The following UBE2D3 variants were observed in gnomAD, a reference collection of about 807,000 sequenced individuals.
UBE2D3 encodes ubiquitin conjugating enzyme E2 D3.
UBE2D3 carries 2 observed loss-of-function variants against 22.8 expected under a neutral mutation model. The ratio of observed to expected loss-of-function variants is 0.09; its 90% CI spans 0.04 to 0.28. UBE2D3 has a LOEUF of 0.28. Ranked by LOEUF, UBE2D3 falls within the 10% of genes least tolerant of loss-of-function variation. The probability of loss-of-function intolerance (pLI) is 1.00; values close to 1 mark genes in which losing one functional copy is unlikely to be tolerated. For missense variants in UBE2D3, 27 were observed against 182.5 expected, an observed-to-expected ratio of 0.15 and a Z score of 4.91; for synonymous variants, 56 against 60.4, an observed-to-expected ratio of 0.93 and a Z score of 0.34.
At chr4:102,827,097 T>C (rs555209272) in intron 1 of UBE2D3, 10 of 987,626 alleles carry the variant, frequency 1.0e-5, no homozygotes, top group Admixed American at 6.1e-5. Context: ...TTGATGTGTA[T>C]TGCTATCCTC....
intron 6 of UBE2D3, among the ~76,000 whole-genome samples, chr4:102,800,273 T>TA (rs201873882): frequency 0.11 from 16,427 of 152,056 alleles, 932 homozygotes; most frequent in East Asian, 0.13. Context: ...CACTGTCACA[T>TA]ATTTATTGAC....
chr4:102,842,080 G>T (rs1731785849), intron 1 of UBE2D3, among the ~76,000 whole-genome samples: 1 of 152,024 alleles, frequency 6.6e-6, no homozygotes, highest in Non-Finnish European at 1.5e-5. Context: ...TTTTCTAAGA[G>T]TATGCCTTTG....
At chr4:102,812,638 CTG>C (rs1414770927) in intron 2 of UBE2D3, 1 of 152,226 alleles carries the variant, frequency 6.6e-6, no homozygotes, top group African/African-American at 2.4e-5. Context: ...AAGCCTGTAA[CTG>C]TGCTTTAAAT....
chr4:102,832,392 C>T (rs988052647), upstream of UBE2D3, among the ~76,000 whole-genome samples: 2 of 151,500 alleles, frequency 1.3e-5, no homozygotes, highest in African/African-American at 4.9e-5. Context: ...ATCTTGAGGG[C>T]CTTTTATTTT....
At chr4:102,829,471 T>C (rs1241343986), upstream of UBE2D3, among the ~76,000 whole-genome samples, 1 of 152,228 alleles carries the variant, frequency 6.6e-6, no homozygotes, top group Non-Finnish European at 1.5e-5. Context: ...TGGTTAGTTA[T>C]CTTCTAACCC....
intron 1 of UBE2D3, among the ~76,000 whole-genome samples, chr4:102,852,850 G>A (rs1291884022): frequency 6.6e-6 from 1 of 152,142 alleles, no homozygotes; most frequent in African/African-American, 2.4e-5. Context: ...ATTTATGCCA[G>A]CTATCTATAA....
rs1409198319 is a variant in UBE2D3 at position 102,796,582 on chromosome 4, C to T, written c.*833G>A. On this transcript the variant is annotated 3_prime_UTR_variant, in exon 8 of 8. Coordinates refer to ENST00000453744, the MANE Select transcript of UBE2D3 (RefSeq NM_181891.3). ...TTCCCATACTGATTAATCCAGGCAGCTAACTCATTGGTTTATGCAACTTTA... is the reference window on the plus strand; with the variant it reads ...TTCCCATACTGATTAATCCAGGCAGTTAACTCATTGGTTTATGCAACTTTA... 1 of 152,448 alleles carries T rather than the reference C, an allele frequency of 6.6e-6. No homozygotes were observed. The highest frequency in any genetic ancestry group is 1.5e-5 in the Non-Finnish European group (1 of 67,918). The allele number at this position is 152,448 out of a possible 1,614,324, so 9.4% of individuals were successfully genotyped here. A position where few individuals can be genotyped will look rare whatever the true frequency, so the allele number is the denominator to read the frequency against.
intron 2 of UBE2D3, among the ~76,000 whole-genome samples, chr4:102,824,420 T>C (rs938465317): frequency 6.6e-6 from 1 of 152,232 alleles, no homozygotes; most frequent in African/African-American, 2.4e-5. Context: ...ATCTAGGAAC[T>C]TAAAATTTGT....
intron 1 of UBE2D3, among the ~76,000 whole-genome samples, chr4:102,863,706 C>A (rs1733009993): frequency 6.6e-6 from 1 of 152,138 alleles, no homozygotes; most frequent in Non-Finnish European, 1.5e-5. Context: ...GTTGGCCAGG[C>A]TGGTCTTGAA....
At chr4:102,825,358 G>A (rs1194553596) in intron 2 of UBE2D3, 15 of 1,009,074 alleles carry the variant, frequency 1.5e-5, no homozygotes, top group Admixed American at 5.8e-5. Context: ...ACAAATACAA[G>A]TCACAAAAAA....
Position 102,858,061 on chromosome 4 carries a change from T to C in UBE2D3, c.-129+10654A>G, listed in dbSNP as rs113293812. ...GCCTTTAATCTCTTTTGTTAGTGTA[T>C]CCATATTCCAATAAAAATTTATTTA... On this transcript the variant is annotated intron_variant, in intron 1 of 7. Coordinates refer to the UBE2D3 transcript ENST00000338145. Among the ~76,000 whole-genome samples the C allele has an allele frequency of 9.9e-4, 150 of 152,144 alleles. 1 individual carries two copies. The highest frequency in any genetic ancestry group is 1.5e-3 in the Non-Finnish European group (103 of 67,936).
upstream of UBE2D3, among the ~76,000 whole-genome samples, chr4:102,828,810 G>C (rs960258507): frequency 1.8e-4 from 28 of 152,128 alleles, no homozygotes; most frequent in Non-Finnish European, 3.8e-4. Context: ...GTATGGAGAC[G>C]GCAGTTATGC....
intron 1 of UBE2D3, among the ~76,000 whole-genome samples, chr4:102,848,398 A>G (rs1165820612): frequency 1.3e-5 from 2 of 152,166 alleles, no homozygotes; most frequent in African/African-American, 4.8e-5. Flanking sequence ...TAATCCTAGC[A>G]CTTTGGGAGG....
upstream of UBE2D3, among the ~76,000 whole-genome samples, chr4:102,831,497 ACAACT>A (rs1027904686): frequency 3.3e-5 from 5 of 152,224 alleles, no homozygotes; most frequent in African/African-American, 9.6e-5. Flanking sequence ...TTTAGTAGAA[ACAACT>A]CAAATGTCCA....
At chr4:102,831,109 C>T (rs1731093361), upstream of UBE2D3, among the ~76,000 whole-genome samples, 1 of 152,154 alleles carries the variant, frequency 6.6e-6, no homozygotes, top group African/African-American at 2.4e-5. Flanking sequence ...GCCAAAGACA[C>T]TGGCTCTAGT....
In UBE2D3 at chr4:102,822,380, T is replaced by G. The variant is rs3774995; in HGVS notation, c.24+4105A>C. On this transcript the variant is annotated intron_variant, in intron 2 of 7. Coordinates refer to ENST00000453744, the MANE Select transcript of UBE2D3 (RefSeq NM_181891.3). ...ACAGTTTACCCAGCCTATATACTAG[T>G]TGGGGACAATAAATATATTTTGTTC... 2.0e-5 allele frequency among the ~76,000 whole-genome samples: 3 copies of G among 152,178 alleles called. No homozygotes were observed. The East Asian group carries it at 5.8e-4, about 29-fold the overall frequency.
intron 1 of UBE2D3, among the ~76,000 whole-genome samples, chr4:102,861,836 G>A (rs1732914981): frequency 6.6e-6 from 1 of 151,978 alleles, no homozygotes; most frequent in Non-Finnish European, 1.5e-5. Flanking sequence ...AAAGTGGTAT[G>A]TCAGTATACA....
At chr4:102,825,536 A>C in intron 2 of UBE2D3, 1 of 1,175,812 alleles carries the variant, frequency 8.5e-7, no homozygotes, top group Non-Finnish European at 1.1e-6. Context: ...CCGCCATCTT[A>C]AAATGCGGGA....
upstream of UBE2D3, among the ~76,000 whole-genome samples, chr4:102,831,351 C>T (rs1731107196): frequency 6.6e-6 from 1 of 152,142 alleles, no homozygotes; most frequent in South Asian, 2.1e-4. Context: ...TTATTTCATG[C>T]TAAGATGTCA....
Sources: allele counts gnomAD v4.1 joint callset (sites outside exome capture counted in the v4.1 genomes callset), GRCh38; gene constraint gnomAD v4.1.1; transcripts MANE v1.5; gene names NCBI Gene and HGNC (gene_info 2026-07-23, HGNC 2026-07-21).